Variants in ZNF701 observed in about 807,000 individuals in gnomAD.
The protein encoded by ZNF701 is zinc finger protein 701.
A neutral mutation model predicts 7.1 loss-of-function variants in ZNF701; 6 were observed. That is an observed-to-expected ratio of 0.84 (90% CI 0.46 to 1.66). ZNF701 has a LOEUF of 1.66. Ranked by LOEUF, ZNF701 falls within the 40% of genes most tolerant of loss-of-function variation. The pLI, the probability that ZNF701 is intolerant of heterozygous loss-of-function variation, is 0.01. For missense variants in ZNF701, 541 were observed against 559.2 expected, an observed-to-expected ratio of 0.97 and a Z score of 0.33; for synonymous variants, 166 against 188.2, an observed-to-expected ratio of 0.88 and a Z score of 0.97.
rs1292141156 is a variant in ZNF701, at chr19:52,572,236, G to A, written c.-71-1841G>A. The A allele has an allele frequency of 1.6e-5, 6 of 378,672 alleles. No homozygotes were observed. In the Admixed American group the frequency reaches 2.0e-4, roughly 13 times the overall value. The allele number at this position is 378,672 out of a possible 1,614,324, so 23.5% of individuals were successfully genotyped here. The stretch of plus-strand genomic sequence containing the variant: ...CATCTAGATAATTTTTGTATTTTTA[G>A]TAGAGATGGGGTTTCTCCATGTTGG... On this transcript the variant is annotated intron_variant, in intron 1 of 3. Transcript: ENST00000391785.
At chr19:52,599,091 G>A in the ZNF701 span, among the ~76,000 whole-genome samples, 3 of 151,396 alleles carry the variant, frequency 2.0e-5, no homozygotes, top group South Asian at 2.1e-4. Flanking sequence ...TGCAAGCCAC[G>A]ATCTCGCCTC....
chr19:52,598,436 G>T, the ZNF701 span, among the ~76,000 whole-genome samples: 1 of 152,116 alleles, frequency 6.6e-6, no homozygotes, highest in East Asian at 1.9e-4. Context: ...GGGGGAGAGG[G>T]GCAGGGACCT....
chr19:52,573,459 ACTC>A (rs1236839008), intron 1 of ZNF701, among the ~76,000 whole-genome samples: 1 of 151,526 alleles, frequency 6.6e-6, no homozygotes, highest in African/African-American at 2.4e-5. Flanking sequence ...CTGCTGTTGA[ACTC>A]CTGAACTTGA....
In ZNF701 at chr19:52,585,753, G is replaced by C. The variant is rs1406061776; in HGVS notation, c.*2296G>C. 2 of 136,098 alleles carry C rather than the reference G, an allele frequency of 1.5e-5. No individual in the cohort carries two copies. The highest frequency in any genetic ancestry group is 4.9e-5 in the African/African-American group (2 of 40,536). The allele number at this position is 136,098 out of a possible 1,614,324, so 8.4% of individuals were successfully genotyped here. ...ATCTGGATGAAGAATTTGGCCCTTG[G>C]CCAAGGAAATAACTGAGGTAAATTG... is the stretch of plus-strand genomic sequence containing the variant. On this transcript the variant is annotated 3_prime_UTR_variant, in exon 4 of 4. Coordinates refer to ENST00000391785, the MANE Select transcript of ZNF701 (RefSeq NM_018260.3).
chr19:52,592,267 T>C, the ZNF701 span: 172,395 of 1,505,702 alleles, frequency 0.11, 12,084 homozygotes, highest in Middle Eastern at 0.16. Flanking sequence ...GAATCTGCCC[T>C]TGTCTATCTT....
the ZNF701 span, among the ~76,000 whole-genome samples, chr19:52,595,321 G>C: frequency 4.6e-5 from 7 of 151,226 alleles, no homozygotes; most frequent in African/African-American, 1.5e-4. Context: ...CCAGGCTGGA[G>C]TGCAGTGGCA....
chr19:52,579,025 C>T (rs547728885), intron 3 of ZNF701, among the ~76,000 whole-genome samples: 6 of 147,612 alleles, frequency 4.1e-5, no homozygotes, highest in South Asian at 2.1e-4. Context: ...GGATTACAGA[C>T]GTGAGCCACC....
chr19:52,572,136 C>G (rs2059905043), intron 1 of ZNF701: 1 of 307,130 alleles, frequency 3.3e-6, no homozygotes, highest in Non-Finnish European at 6.4e-6. Context: ...TCACCACCAC[C>G]TTTACCTCCC....
Position 52,586,754 on chromosome 19 carries a change from T to A in ZNF701, c.*3297T>A, listed in dbSNP as rs1487284146. The A allele has an allele frequency of 6.6e-6, 1 of 152,082 alleles. No individual in the cohort carries two copies. Among genetic ancestry groups the A allele is most frequent in the Non-Finnish European group, 1.5e-5 (1 of 68,016 alleles). 9.4% of individuals were successfully genotyped at this position (152,082 alleles called of 1,614,324 possible). ...GAAGACCAGAAAAGCTCAGTCAGAG[T>A]GACACTGACCCCTGAAATGATGGGC... On this transcript the variant is annotated 3_prime_UTR_variant, in exon 4 of 4. Transcript: ENST00000391785.
chr19:52,594,623 C>T, the ZNF701 span, among the ~76,000 whole-genome samples: 1 of 151,992 alleles, frequency 6.6e-6, no homozygotes, highest in Non-Finnish European at 1.5e-5. Context: ...AAGCGATTCT[C>T]CTGCTTCAAC....
At chr19:52,597,038 T>C in the ZNF701 span, 17 of 1,242,006 alleles carry the variant, frequency 1.4e-5, no homozygotes, top group Non-Finnish European at 1.8e-5. Context: ...TCTTCAGTAA[T>C]GCTACAACCA....
intron 3 of ZNF701, among the ~76,000 whole-genome samples, chr19:52,578,664 A>G (rs1568503116): frequency 6.6e-6 from 1 of 152,314 alleles, no homozygotes; most frequent in East Asian, 1.9e-4. Context: ...AACTATTGTT[A>G]TTATTTTAAA....
At chr19:52,587,375 C>T (rs1352106108), downstream of ZNF701, among the ~76,000 whole-genome samples, 3 of 152,138 alleles carry the variant, frequency 2.0e-5, no homozygotes, top group Non-Finnish European at 2.9e-5. Flanking sequence ...CCATACAGGC[C>T]TCTTTCCTTT....
In ZNF701 at chr19:52,578,253, CAAAA is replaced by C. The variant is rs58385761; in HGVS notation, c.142+2254_142+2257del. ...TGGGCGACAGAGTGAGACTCCGTCT[CAAAA>C]AAAAAAAAAAAAAAAAAAAAAGAAG... On this transcript the variant is annotated intron_variant, in intron 3 of 3. Coordinates refer to ENST00000391785, the MANE Select transcript of ZNF701 (RefSeq NM_018260.3). Among the ~76,000 whole-genome samples, 16 of 40,928 alleles carry C rather than the reference CAAAA, an allele frequency of 3.9e-4. No individual in the cohort carries two copies. The East Asian group carries it at 0.01, about 27-fold the overall frequency. 26.9% of individuals were successfully genotyped at this position (40,928 alleles called of 152,430 possible).
At position 52,573,550 on chromosome 19, in the gene ZNF701, T is replaced by C. The variant is rs147234822; in HGVS notation, c.-71-527T>C. 1.8e-3 allele frequency among the ~76,000 whole-genome samples: 268 copies of C among 152,236 alleles called. 1 individual carries two copies. The highest frequency in any genetic ancestry group is 6.2e-3 in the African/African-American group (257 of 41,534). On this transcript the variant is annotated intron_variant, in intron 1 of 3. Transcript: ENST00000391785. ...CCGCACCCAGCCCCAATTTTTGTGTTTTTAGTACAGACAGGTTTTCACCAT... is the reference window on the plus strand; with the variant it reads ...CCGCACCCAGCCCCAATTTTTGTGTCTTTAGTACAGACAGGTTTTCACCAT...
At position 52,583,426 on chromosome 19, in the gene ZNF701, A is replaced by G. The variant is rs527799785; in HGVS notation, c.1367A>G (p.His456Arg). 2.1e-5 allele frequency: 34 copies of G among 1,613,470 alleles called. No homozygotes were observed. Among genetic ancestry groups the G allele is most frequent in the Admixed American group, 3.3e-5 (2 of 59,946 alleles). The change falls in exon 4 of 4, where the codon CAT becomes CGT. Residue 456 changes from histidine to arginine, a missense_variant. Physicochemically the swap from His to Arg is conservative, Grantham distance 29. Transcript: ENST00000391785. ...AATCGAAAATCAAACCTTGAACGTC[A>G]TCATAGACTTCATACTGGAAAGAAA... ...VFNRKSNLER[H>R]HRLHTGKKS
intron 2 of ZNF701, 112 bp downstream of exon 2, chr19:52,574,274 CACTCA>C: frequency 6.7e-7 from 1 of 1,501,592 alleles, no homozygotes; most frequent in Non-Finnish European, 9.2e-7. Context: ...GGTTTGCTCA[CACTCA>C]ACTCATGCCT....
downstream of ZNF701, among the ~76,000 whole-genome samples, chr19:52,591,294 C>T (rs1440810045): frequency 1.3e-5 from 2 of 152,130 alleles, no homozygotes; most frequent in East Asian, 3.9e-4. Flanking sequence ...TTTTCTGCCT[C>T]AGCTTCCCAA....
chr19:52,595,255 TA>T, the ZNF701 span, among the ~76,000 whole-genome samples: 2 of 137,512 alleles, frequency 1.5e-5, no homozygotes, highest in Non-Finnish European at 3.2e-5. Flanking sequence ...ATTTCAATAT[TA>T]ACTATTATTT....
Sources: allele counts gnomAD v4.1 joint callset (sites outside exome capture counted in the v4.1 genomes callset), GRCh38; gene constraint gnomAD v4.1.1; transcripts MANE v1.5; gene names NCBI Gene and HGNC (gene_info 2026-07-23, HGNC 2026-07-21).